The following MAD1L1 variants were observed in gnomAD, a reference collection of about 807,000 sequenced individuals.
MAD1L1 encodes mitotic arrest deficient 1 like 1, also known as mitotic spindle assembly checkpoint protein MAD1.
A neutral mutation model predicts 96.9 loss-of-function variants in MAD1L1; 95 were observed. The observed-to-expected ratio is 0.98, with a 90% CI of 0.83 to 1.16. The LOEUF is 1.16. Ranked by LOEUF, MAD1L1 falls within the 50% of genes most tolerant of loss-of-function variation. MAD1L1 has a pLI of 0.00. For synonymous variants in MAD1L1, 473 were observed against 396.6 expected (o/e 1.19, Z -2.29); for missense variants, 1,007 against 954.4 (o/e 1.06, Z -0.73).
intron 17 of MAD1L1, among the ~76,000 whole-genome samples, chr7:1,917,722 T>G (rs1043583481): frequency 6.6e-6 from 1 of 152,144 alleles, no homozygotes; most frequent in African/African-American, 2.4e-5. Context: ...TCCTCAGCAG[T>G]CCCTGTGGCT....
chr7:1,822,720 G>A (rs1193630768), intron 18 of MAD1L1, among the ~76,000 whole-genome samples: 1 of 143,246 alleles, frequency 7.0e-6, no homozygotes, highest in Non-Finnish European at 1.5e-5. Context: ...CACCATGCCC[G>A]GCCAGCATTT....
At chr7:1,854,449 C>CAA (rs1784141819) in intron 18 of MAD1L1, 1 of 445,966 alleles carries the variant, frequency 2.2e-6, no homozygotes, top group African/African-American at 2.0e-5. Flanking sequence ...CTGGAGGCCA[C>CAA]AAGGGCAGGG....
At chr7:2,043,726 G>T (rs1241894096) in intron 12 of MAD1L1, among the ~76,000 whole-genome samples, 1 of 152,200 alleles carries the variant, frequency 6.6e-6, no homozygotes, top group Non-Finnish European at 1.5e-5. Context: ...TCTCGAGAGT[G>T]GGGGCAGCAC....
chr7:1,857,462 C>CA (rs1325476693), intron 18 of MAD1L1, among the ~76,000 whole-genome samples: 7 of 152,212 alleles, frequency 4.6e-5, no homozygotes, highest in Non-Finnish European at 7.3e-5. Context: ...CATAGGCACT[C>CA]CTCACAGTCC....
intron 18 of MAD1L1, among the ~76,000 whole-genome samples, chr7:1,870,596 C>T (rs1257692488): frequency 2.7e-5 from 4 of 148,090 alleles, no homozygotes; most frequent in South Asian, 4.4e-4. Context: ...CTGAACCCAC[C>T]GTAACACCTG....
At chr7:2,224,677 T>C (rs1246022587) in intron 4 of MAD1L1, among the ~76,000 whole-genome samples, 1 of 152,200 alleles carries the variant, frequency 6.6e-6, no homozygotes, top group Non-Finnish European at 1.5e-5. Context: ...CCCAATACTC[T>C]GCCTGAACCT....
chr7:2,162,581 CAATA>C (rs1790207547), intron 10 of MAD1L1, among the ~76,000 whole-genome samples: 1 of 143,166 alleles, frequency 7.0e-6, no homozygotes. Context: ...CAAGAATGAT[CAATA>C]AATACTAAAA....
intron 18 of MAD1L1, among the ~76,000 whole-genome samples, chr7:1,877,007 G>A (rs1460509894): frequency 6.9e-6 from 1 of 145,248 alleles, no homozygotes; most frequent in Non-Finnish European, 1.5e-5. Context: ...ACTTCAACAA[G>A]CATTTTTGAA....
At chr7:2,221,773 C>T (rs533287640) in intron 5 of MAD1L1, among the ~76,000 whole-genome samples, 2 of 152,318 alleles carry the variant, frequency 1.3e-5, no homozygotes, top group Admixed American at 1.3e-4. Context: ...CTCCTTAAGC[C>T]TCCTGACAAA....
intron 10 of MAD1L1, among the ~76,000 whole-genome samples, chr7:2,155,022 G>T (rs1000009541): frequency 6.6e-6 from 1 of 152,166 alleles, no homozygotes; most frequent in African/African-American, 2.4e-5. Flanking sequence ...GTCCACAGGG[G>T]TGGACTGTGA....
intron 15 of MAD1L1, among the ~76,000 whole-genome samples, chr7:1,967,326 G>A (rs1209593677): frequency 2.6e-5 from 4 of 152,034 alleles, no homozygotes; most frequent in African/African-American, 9.7e-5. Context: ...ACAGAAAGCA[G>A]GAAGCATGAA....
At chr7:1,952,985 G>A (rs1304316718) in intron 16 of MAD1L1, among the ~76,000 whole-genome samples, 2 of 152,222 alleles carry the variant, frequency 1.3e-5, no homozygotes, top group African/African-American at 4.8e-5. Flanking sequence ...GGGCATGGAC[G>A]CCAGCACAAA....
chr7:1,859,881 T>C (rs1224378167), intron 18 of MAD1L1, among the ~76,000 whole-genome samples: 2 of 145,048 alleles, frequency 1.4e-5, no homozygotes, highest in African/African-American at 5.4e-5. Context: ...AGATGTGACA[T>C]CCGGCGGGGC....
chr7:1,957,690 C>A lies in MAD1L1; in HGVS notation c.1535G>T (p.Arg512Leu). ...CCTCTTTTCCTCCTCCAGCCGACTCCGCTCGCCTTCCAGCTCCTCGACCTT... is the reference window on the plus strand; with the variant it reads ...CCTCTTTTCCTCCTCCAGCCGACTCAGCTCGCCTTCCAGCTCCTCGACCTT... ...RLKVEELEGERSRLEEEKRML... is the reference protein window; with the variant it reads ...RLKVEELEGELSRLEEEKRML... The change falls in exon 16 of 19, where the codon CGG (arginine) becomes CTG (leucine). Residue 512 changes from arginine to leucine, a missense_variant. Physicochemically the swap from Arg to Leu is moderately radical, Grantham distance 102. Coordinates refer to ENST00000265854, the MANE Select transcript of MAD1L1 (RefSeq NM_001013836.2). The A allele has an allele frequency of 1.9e-6, 3 of 1,614,148 alleles. No individual in the cohort carries two copies. The highest frequency in any genetic ancestry group is 2.5e-6 in the Non-Finnish European group (3 of 1,180,042).
At chr7:1,943,221 T>C (rs1779080421) in intron 16 of MAD1L1, among the ~76,000 whole-genome samples, 1 of 152,164 alleles carries the variant, frequency 6.6e-6, no homozygotes, top group African/African-American at 2.4e-5. Context: ...CAAAGAATTC[T>C]TAGCCCAAAG....
At chr7:2,109,529 C>G (rs1208953120) in intron 11 of MAD1L1, 1 of 152,208 alleles carries the variant, frequency 6.6e-6, no homozygotes, top group Non-Finnish European at 1.5e-5. Context: ...ATCCCAGCAA[C>G]AGCCCCCAAC....
intron 18 of MAD1L1, among the ~76,000 whole-genome samples, chr7:1,887,857 G>GCATGCA (rs1554284079): frequency 1.9e-5 from 1 of 51,566 alleles, no homozygotes; most frequent in Non-Finnish European, 3.8e-5. Flanking sequence ...GCGTGTGTGT[G>GCATGCA]TGCACGTGTG....
intron 10 of MAD1L1, among the ~76,000 whole-genome samples, chr7:2,191,456 G>A (rs1791712750): frequency 6.6e-6 from 1 of 152,150 alleles, no homozygotes; most frequent in Non-Finnish European, 1.5e-5. Flanking sequence ...CTAAAACTAG[G>A]GTGGAGGCTA....
At chr7:1,961,945 G>A (rs1779969766) in intron 15 of MAD1L1, among the ~76,000 whole-genome samples, 1 of 151,752 alleles carries the variant, frequency 6.6e-6, no homozygotes, top group African/African-American at 2.4e-5. Flanking sequence ...TTGTGGCAGG[G>A]ACGTGGTGGG....
Sources: gnomAD v4.1 joint callset for allele counts (sites outside exome capture counted in the v4.1 genomes callset) on GRCh38, gnomAD v4.1.1 for gene constraint, MANE v1.5 for transcripts, NCBI Gene and HGNC (gene_info 2026-07-23, HGNC 2026-07-21) for gene names.